Variants in AGMO observed in about 807,000 individuals in gnomAD.
AGMO encodes the protein glyceryl-ether monooxygenase.
A neutral mutation model predicts 60.2 loss-of-function variants in AGMO; 75 were observed. The observed-to-expected ratio is 1.25, with a 90% CI of 1.03 to 1.51. The LOEUF (loss-of-function observed/expected upper bound fraction) is 1.51. AGMO is among the 40% of genes most tolerant of loss of function. The pLI is 0.00. For synonymous variants in AGMO, 261 were observed against 177.1 expected (o/e 1.47, Z -3.76); for missense variants, 763 against 525.5 (o/e 1.45, Z -4.42).
At chr7:15,354,608 G>A (rs1296889803) in intron 12 of AGMO, among the ~76,000 whole-genome samples, 1 of 141,006 alleles carries the variant, frequency 7.1e-6, no homozygotes, top group East Asian at 2.2e-4. Flanking sequence ...TACATCTTGA[G>A]AAAGACTATA....
intron 12 of AGMO, among the ~76,000 whole-genome samples, chr7:15,334,031 C>G (rs977216712): frequency 3.9e-5 from 6 of 151,942 alleles, no homozygotes; most frequent in Non-Finnish European, 8.8e-5. Flanking sequence ...TTTCACAATA[C>G]CAAGGGAGGT....
intron 2 of AGMO, among the ~76,000 whole-genome samples, chr7:15,554,469 C>A (rs1314670884): frequency 6.6e-6 from 1 of 151,948 alleles, no homozygotes; most frequent in Non-Finnish European, 1.5e-5. Context: ...TAATTAGCAA[C>A]CTGCATATAG....
At chr7:15,505,417 A>G (rs1783487219) in intron 3 of AGMO, among the ~76,000 whole-genome samples, 1 of 152,108 alleles carries the variant, frequency 6.6e-6, no homozygotes, top group Admixed American at 6.6e-5. Flanking sequence ...AGGCAGGAGA[A>G]TTTAGAGAAA....
intron 9 of AGMO, among the ~76,000 whole-genome samples, chr7:15,386,457 T>C (rs1037596040): frequency 5.3e-5 from 8 of 152,166 alleles, no homozygotes; most frequent in Non-Finnish European, 8.8e-5. Flanking sequence ...AAATCGATCA[T>C]AGCAAACAGC....
chr7:15,546,353 G>C (rs1205146357), intron 2 of AGMO, among the ~76,000 whole-genome samples: 1 of 152,188 alleles, frequency 6.6e-6, no homozygotes, highest in East Asian at 1.9e-4. Flanking sequence ...ATGGTTGGAA[G>C]AAGCAGTTTT....
In AGMO at chr7:15,348,263, C is replaced by T. The variant is rs546609476; in HGVS notation, c.1263+17251G>A. The stretch of plus-strand genomic sequence containing the variant: ...GAACTCATTCATCTGTATCCTCTGT[C>T]TTGGGAGAAACCCTCATCAATATAC... On this transcript the variant is annotated intron_variant, in intron 12 of 12. Transcript: ENST00000342526. 5.3e-5 allele frequency among the ~76,000 whole-genome samples: 8 copies of T among 152,144 alleles called. No individual in the cohort carries two copies. The South Asian group carries it at 1.0e-3, about 20-fold the overall frequency.
chr7:15,241,694 T>G (rs1782595619), intron 12 of AGMO, among the ~76,000 whole-genome samples: 1 of 150,584 alleles, frequency 6.6e-6, no homozygotes, highest in South Asian at 2.1e-4. Flanking sequence ...AAAACCACTG[T>G]GTAACAAAAT....
intron 3 of AGMO, among the ~76,000 whole-genome samples, chr7:15,535,590 TGGACTTTCTTCCCTCGTTA>T (rs1379152290): frequency 6.6e-6 from 1 of 151,948 alleles, no homozygotes; most frequent in East Asian, 1.9e-4. Flanking sequence ...ATTTTATATC[TGGACTTTCTTCCCTCGTTA>T]GGATGTAAGC....
At chr7:15,202,789 G>C (rs770726255) in intron 12 of AGMO, among the ~76,000 whole-genome samples, 2 of 152,124 alleles carry the variant, frequency 1.3e-5, no homozygotes, top group African/African-American at 2.4e-5. Flanking sequence ...TAATTCAAGA[G>C]AAATGACCTC....
intron 12 of AGMO, among the ~76,000 whole-genome samples, chr7:15,220,208 C>CTTTT (rs904364065): frequency 3.7e-5 from 4 of 109,530 alleles, no homozygotes; most frequent in African/African-American, 8.3e-5. Context: ...CTGACTGTGC[C>CTTTT]TTTTTTTTTT....
intron 12 of AGMO, among the ~76,000 whole-genome samples, chr7:15,337,930 GA>G (rs1165370182): frequency 6.6e-6 from 1 of 152,148 alleles, no homozygotes; most frequent in African/African-American, 2.4e-5. Context: ...GGAAAGCGAT[GA>G]AAATCTCCAA....
chr7:15,389,938 A>G (rs549243431), intron 8 of AGMO, among the ~76,000 whole-genome samples: 3 of 152,346 alleles, frequency 2.0e-5, no homozygotes, highest in Admixed American at 2.0e-4. Context: ...ACCCAACATG[A>G]GCCAGTAAGT....
intron 3 of AGMO, among the ~76,000 whole-genome samples, chr7:15,437,516 C>T (rs527618861): frequency 2.0e-5 from 3 of 148,074 alleles, no homozygotes; most frequent in Non-Finnish European, 4.4e-5. Context: ...TCTGAAGGAG[C>T]AACCAAATTT....
Position 15,351,787 on chromosome 7 carries a change from G to A in AGMO, c.1263+13727C>T, listed in dbSNP as rs552847573. ...AAAAATAACAAAGTATACGGCTAGAGATAAAAACAGTAAGCAAACATATTA... is the reference window on the plus strand; with the variant it reads ...AAAAATAACAAAGTATACGGCTAGAAATAAAAACAGTAAGCAAACATATTA... On this transcript the variant is annotated intron_variant, in intron 12 of 12. Transcript: ENST00000342526. Among the ~76,000 whole-genome samples, 147 of 152,224 alleles carry A rather than the reference G, an allele frequency of 9.7e-4. 1 individual carries two copies. The highest frequency in any genetic ancestry group is 3.5e-3 in the African/African-American group (144 of 41,540).
At chr7:15,356,461 TAA>T (rs988027073) in intron 12 of AGMO, among the ~76,000 whole-genome samples, 5 of 152,238 alleles carry the variant, frequency 3.3e-5, no homozygotes, top group African/African-American at 9.6e-5. Flanking sequence ...ATATAGTATA[TAA>T]GATACCATTT....
chr7:15,239,932 T>C (rs1022915791), intron 12 of AGMO, among the ~76,000 whole-genome samples: 1 of 152,142 alleles, frequency 6.6e-6, no homozygotes, highest in Non-Finnish European at 1.5e-5. Context: ...TATTTCCTTA[T>C]CCATGCATTT....
intron 12 of AGMO, among the ~76,000 whole-genome samples, chr7:15,216,833 A>AGTGTGTGTGT (rs1181410197): frequency 0.02 from 3,010 of 147,070 alleles, 31 homozygotes; most frequent in South Asian, 0.037. Context: ...TGAAAGAAAA[A>AGTGTGTGTGT]GTGTGTGTGT....
intron 12 of AGMO, among the ~76,000 whole-genome samples, chr7:15,231,800 A>T (rs1782267763): frequency 1.3e-5 from 2 of 152,108 alleles, no homozygotes; most frequent in African/African-American, 4.8e-5. Flanking sequence ...TTTCTTTTGC[A>T]CCTGTTTTCA....
chr7:15,284,701 A>T (rs1478825403), intron 12 of AGMO, among the ~76,000 whole-genome samples: 2 of 151,956 alleles, frequency 1.3e-5, no homozygotes, highest in Admixed American at 1.3e-4. Context: ...AGAAGGATAG[A>T]ATCCTCCCTA....
Sources: allele counts gnomAD v4.1 joint callset (sites outside exome capture counted in the v4.1 genomes callset), GRCh38; gene constraint gnomAD v4.1.1; transcripts MANE v1.5; gene names NCBI Gene and HGNC (gene_info 2026-07-23, HGNC 2026-07-21).